The following YTHDF3 variants were observed in gnomAD, a reference collection of about 807,000 sequenced individuals.
YTHDF3 encodes the protein YTH domain-containing family protein 3.
In YTHDF3, 9 loss-of-function variants were observed where a neutral mutation model predicts 52.5. That is an observed-to-expected ratio of 0.17 (90% CI 0.10 to 0.30). The LOEUF (loss-of-function observed/expected upper bound fraction) is 0.30. YTHDF3 is among the 10% of genes least tolerant of loss of function. The probability of loss-of-function intolerance (pLI) is 1.00; values close to 1 mark genes in which losing one functional copy is unlikely to be tolerated. For synonymous variants in YTHDF3, 274 were observed against 243.3 expected (o/e 1.13, Z -1.18); for missense variants, 534 against 715.0 (o/e 0.75, Z 2.89).
intron 2 of YTHDF3, among the ~76,000 whole-genome samples, chr8:63,170,645 A>C (rs1295756745): frequency 6.6e-6 from 1 of 152,148 alleles, no homozygotes; most frequent in Non-Finnish European, 1.5e-5. Context: ...ATGATCCATT[A>C]ATTTCTTCTT....
chr8:63,169,145 C>T, intron 1 of YTHDF3: 9 of 1,427,102 alleles, frequency 6.3e-6, no homozygotes, highest in Non-Finnish European at 8.3e-6. Context: ...TAGGACAGAT[C>T]CTGAGGGCGG....
chr8:63,184,781 G>T (rs1324923831), intron 3 of YTHDF3, among the ~76,000 whole-genome samples: 1 of 152,194 alleles, frequency 6.6e-6, no homozygotes, highest in Non-Finnish European at 1.5e-5. Flanking sequence ...CATACCAGTT[G>T]TACTGACAAT....
intron 4 of YTHDF3, among the ~76,000 whole-genome samples, chr8:63,202,605 G>C (rs923093116): frequency 6.6e-6 from 1 of 151,982 alleles, no homozygotes; most frequent in African/African-American, 2.4e-5. Flanking sequence ...GGGATTACAG[G>C]TGCCCGCCAC....
chr8:63,188,004 T>C (rs1025941769), intron 4 of YTHDF3, among the ~76,000 whole-genome samples: 3 of 152,220 alleles, frequency 2.0e-5, no homozygotes, highest in Non-Finnish European at 2.9e-5. Context: ...CCTCAGTGTT[T>C]ATCATCAAAG....
Position 63,188,736 on chromosome 8 carries a change from T to C in YTHDF3, c.1734+991T>C, listed in dbSNP as rs900114710. 225 of 121,664 alleles carry C rather than the reference T, an allele frequency of 1.8e-3. 2 individuals are homozygous for C. Among genetic ancestry groups the C allele is most frequent in the African/African-American group, 6.6e-3 (212 of 31,934 alleles). The allele number at this position is 121,664 out of a possible 1,614,324, so 7.5% of individuals were successfully genotyped here. ...TTTTTTTTTTTTTTCTTTTGTGAGA[T>C]GGAGTCGCTCTCTGTCGCCCAGGCT... On this transcript the variant is annotated intron_variant, in intron 4 of 4. Transcript: ENST00000539294.
chr8:63,187,800 G>T, intron 4 of YTHDF3, 55 bp downstream of exon 4: 1 of 1,497,162 alleles, frequency 6.7e-7, no homozygotes, highest in Non-Finnish European at 8.9e-7. Context: ...TGGGGTGCAT[G>T]GATGGGTATA....
chr8:63,174,147 C>G (rs2129980085), intron 2 of YTHDF3, among the ~76,000 whole-genome samples: 1 of 152,278 alleles, frequency 6.6e-6, no homozygotes, highest in Non-Finnish European at 1.5e-5. Context: ...CGTCACCCTC[C>G]TAACTTCATA....
At chr8:63,169,354 C>G in intron 1 of YTHDF3, 33 bp from the exon 2 acceptor site, 3 of 1,592,686 alleles carry the variant, frequency 1.9e-6, no homozygotes, top group Non-Finnish European at 2.6e-6. Context: ...TCCTTTTTCT[C>G]CTCTTTACCG....
At chr8:63,173,629 T>G (rs1209134414) in intron 2 of YTHDF3, 1 of 984,906 alleles carries the variant, frequency 1.0e-6, no homozygotes, top group African/African-American at 1.7e-5. Context: ...TAATAGACCA[T>G]GCATACTTAC....
intron 3 of YTHDF3, among the ~76,000 whole-genome samples, chr8:63,180,047 A>T (rs1807996467): frequency 6.8e-6 from 1 of 147,514 alleles, no homozygotes; most frequent in East Asian, 2.1e-4. Flanking sequence ...TCCCTCCCGG[A>T]CGGGGCGGCT....
chr8:63,186,320 T>C lies in YTHDF3; in HGVS notation c.309T>C (p.Asp103=). ...ATGGAGAACATCACTATATACCAGA[T>C]GGTGTATTTAGTCAACCTGGGGCAT... ...MSNGEHHYIP[D]GVFSQPGALG... is the part of the protein sequence containing the mutation. Residue 103 remains aspartate, a synonymous_variant, in exon 4 of 5, where the codon GAT becomes GAC. Transcript: ENST00000539294. The C allele has an allele frequency of 1.2e-6, 2 of 1,614,068 alleles. No individual in the cohort carries two copies. The highest frequency in any genetic ancestry group is 1.7e-6 in the Non-Finnish European group (2 of 1,179,904).
At position 63,168,647 on chromosome 8, in the gene YTHDF3, T is replaced by C. The variant is rs537788112; in HGVS notation, c.-231T>C. The C allele has an allele frequency of 3.5e-5, 26 of 738,782 alleles. No homozygotes were observed. In the South Asian group the frequency reaches 4.2e-4, roughly 12 times the overall value. 45.8% of individuals were successfully genotyped at this position (738,782 alleles called of 1,614,324 possible). A position where few individuals can be genotyped will look rare whatever the true frequency, so the allele number is the denominator to read the frequency against. On this transcript the variant is annotated 5_prime_UTR_variant, in exon 1 of 5. Transcript: ENST00000539294. ...AGACTAGGGAGTCTGTCCGCCATTGTGGACCCGAGAAGCAGAGAGCGAGAG... is the reference window on the plus strand; with the variant it reads ...AGACTAGGGAGTCTGTCCGCCATTGCGGACCCGAGAAGCAGAGAGCGAGAG...
At chr8:63,171,846 A>G (rs950559147) in intron 2 of YTHDF3, among the ~76,000 whole-genome samples, 1 of 152,164 alleles carries the variant, frequency 6.6e-6, no homozygotes, top group Admixed American at 6.6e-5. Flanking sequence ...TTTTCAGTCA[A>G]CTTACTATAA....
chr8:63,170,721 A>G (rs1807267966), intron 2 of YTHDF3, among the ~76,000 whole-genome samples: 1 of 152,156 alleles, frequency 6.6e-6, no homozygotes, highest in Non-Finnish European at 1.5e-5. Context: ...ATTATTGCCT[A>G]GCATAAATTA....
At chr8:63,207,641 A>G (rs933783752) in intron 4 of YTHDF3, among the ~76,000 whole-genome samples, 1 of 152,172 alleles carries the variant, frequency 6.6e-6, no homozygotes, top group African/African-American at 2.4e-5. Context: ...TTACAATTCA[A>G]ACTGAAACAG....
intron 4 of YTHDF3, among the ~76,000 whole-genome samples, chr8:63,195,950 C>G (rs551426727): frequency 6.6e-6 from 1 of 151,998 alleles, no homozygotes; most frequent in Non-Finnish European, 1.5e-5. Flanking sequence ...TACAGGCATG[C>G]GCCACCATGC....
intron 4 of YTHDF3, among the ~76,000 whole-genome samples, chr8:63,191,595 T>G (rs1258556390): frequency 1.3e-5 from 2 of 152,116 alleles, no homozygotes; most frequent in Non-Finnish European, 2.9e-5. Flanking sequence ...CTTTATATCT[T>G]TTTTCTTCTA....
intron 4 of YTHDF3, among the ~76,000 whole-genome samples, chr8:63,205,218 G>T (rs1809944529): frequency 1.3e-5 from 2 of 152,080 alleles, no homozygotes; most frequent in Non-Finnish European, 2.9e-5. Flanking sequence ...TCTGTCTAAA[G>T]CGTCTTTTTC....
intron 3 of YTHDF3, 31 bp downstream of exon 3, chr8:63,175,447 A>G (rs1200869625): frequency 6.5e-7 from 1 of 1,532,048 alleles, no homozygotes; most frequent in South Asian, 1.2e-5. Flanking sequence ...AGATTTTAGG[A>G]AATTAACCTT....
Sources: gnomAD v4.1 joint callset for allele counts (sites outside exome capture counted in the v4.1 genomes callset) on GRCh38, gnomAD v4.1.1 for gene constraint, MANE v1.5 for transcripts, NCBI Gene and HGNC (gene_info 2026-07-23, HGNC 2026-07-21) for gene names.